The following SAMD5 variants were observed in gnomAD, a reference collection of about 807,000 sequenced individuals.
SAMD5 encodes the protein sterile alpha motif domain containing 5, also known as sterile alpha motif domain-containing protein 5.
A neutral mutation model predicts 11.3 loss-of-function variants in SAMD5; 13 were observed. That is an observed-to-expected ratio of 1.15 (90% CI 0.75 to 1.83). The LOEUF (loss-of-function observed/expected upper bound fraction) is 1.83, where lower values mean the gene tolerates loss of function less well. SAMD5 is among the 40% of genes most tolerant of loss of function. The pLI, the probability that SAMD5 is intolerant of heterozygous loss-of-function variation, is 0.00. For synonymous variants in SAMD5, 129 were observed against 111.3 expected (o/e 1.16, Z -1.00); for missense variants, 255 against 239.1 (o/e 1.07, Z -0.44).
chr6:147,754,709 TC>T, the SAMD5 span, among the ~76,000 whole-genome samples: 1 of 152,170 alleles, frequency 6.6e-6, no homozygotes, highest in African/African-American at 2.4e-5. Context: ...TAGATTTAAG[TC>T]TTTAATCTAT....
chr6:147,717,458 T>C (rs563045738), intron 1 of SAMD5, among the ~76,000 whole-genome samples: 2 of 152,310 alleles, frequency 1.3e-5, no homozygotes, highest in Admixed American at 6.5e-5. Flanking sequence ...ATGGACGGAC[T>C]CTGCCCAAGT....
downstream of SAMD5, among the ~76,000 whole-genome samples, chr6:147,742,463 G>A (rs1791893357): frequency 6.6e-6 from 1 of 152,174 alleles, no homozygotes; most frequent in Non-Finnish European, 1.5e-5. Context: ...TAGGATATAC[G>A]TACCATGCTG....
chr6:147,857,334 T>C, the SAMD5 span, among the ~76,000 whole-genome samples: 3 of 144,556 alleles, frequency 2.1e-5, no homozygotes, highest in Non-Finnish European at 4.5e-5. Context: ...GAGGCCCCTG[T>C]CTGTACCAAA....
At chr6:147,900,847 G>A in the SAMD5 span, among the ~76,000 whole-genome samples, 48 of 152,054 alleles carry the variant, frequency 3.2e-4, no homozygotes, top group Non-Finnish European at 6.0e-4. Flanking sequence ...CTGTCCTTTC[G>A]GTAGTTATTA....
intron 1 of SAMD5, among the ~76,000 whole-genome samples, chr6:147,718,939 C>T (rs1354672316): frequency 6.6e-6 from 1 of 152,218 alleles, no homozygotes; most frequent in African/African-American, 2.4e-5. Flanking sequence ...GATCCGCCTG[C>T]CTCAGCCTCC....
At chr6:147,781,978 T>C in the SAMD5 span, among the ~76,000 whole-genome samples, 4 of 152,050 alleles carry the variant, frequency 2.6e-5, no homozygotes, top group South Asian at 4.1e-4. Flanking sequence ...AGGGACAATA[T>C]GGAGTGGTAG....
chr6:147,595,021 A>C (rs1789508751), intron 1 of SAMD5, among the ~76,000 whole-genome samples: 1 of 152,196 alleles, frequency 6.6e-6, no homozygotes, highest in South Asian at 2.1e-4. Flanking sequence ...ACTTGACTAA[A>C]ACTACAGATG....
chr6:147,787,785 C>T, the SAMD5 span, among the ~76,000 whole-genome samples: 1 of 152,240 alleles, frequency 6.6e-6, no homozygotes, highest in Non-Finnish European at 1.5e-5. Flanking sequence ...GGAAAAGATG[C>T]ATTGGCACTG....
Position 147,569,322 on chromosome 6 carries a change from A to T in SAMD5, c.*4866A>T, listed in dbSNP as rs1314007463. On this transcript the variant is annotated 3_prime_UTR_variant, in exon 2 of 2. Coordinates refer to ENST00000367474, the MANE Select transcript of SAMD5 (RefSeq NM_001030060.3). ...AAAATTGTTTAAACTCCTGGAAATT[A>T]AGTGTTATTTTTTATTACTGCAGTT... 2 of 508,600 alleles carry T rather than the reference A, an allele frequency of 3.9e-6. No homozygotes were observed. The highest frequency in any genetic ancestry group is 5.1e-6 in the Non-Finnish European group (2 of 395,762). The allele number at this position is 508,600 out of a possible 1,614,324, so 31.5% of individuals were successfully genotyped here.
intron 1 of SAMD5, among the ~76,000 whole-genome samples, chr6:147,638,501 G>A (rs906449029): frequency 2.6e-5 from 4 of 152,228 alleles, no homozygotes; most frequent in Admixed American, 6.5e-5. Context: ...AATGGAAGAT[G>A]TGAGTGACTG....
At chr6:147,653,995 C>A (rs998307434) in intron 1 of SAMD5, among the ~76,000 whole-genome samples, 1 of 152,144 alleles carries the variant, frequency 6.6e-6, no homozygotes, top group African/African-American at 2.4e-5. Flanking sequence ...AACAATGACA[C>A]GAATTTAATC....
chr6:147,613,719 AGAG>A (rs1789822820), intron 1 of SAMD5, among the ~76,000 whole-genome samples: 1 of 151,966 alleles, frequency 6.6e-6, no homozygotes, highest in Admixed American at 6.5e-5. Context: ...AAGAAAGGGT[AGAG>A]GAGGAGGAAG....
intron 1 of SAMD5, chr6:147,676,016 G>C (rs770968967): frequency 1.3e-4 from 20 of 152,098 alleles, no homozygotes; most frequent in Admixed American, 2.0e-4. Context: ...TACACTGCAT[G>C]GTGAAAGCGT....
the SAMD5 span, among the ~76,000 whole-genome samples, chr6:147,768,266 G>A: frequency 6.6e-6 from 1 of 152,200 alleles, no homozygotes; most frequent in African/African-American, 2.4e-5. Flanking sequence ...GGGAGGCTGA[G>A]GTGGGCAAAC....
At chr6:147,690,134 CAAT>C (rs201954372) in intron 1 of SAMD5, among the ~76,000 whole-genome samples, 2,802 of 152,116 alleles carry the variant, frequency 0.018, 54 homozygotes, top group South Asian at 0.072. Flanking sequence ...TCACATATAA[CAAT>C]AAGTGAAATG....
chr6:147,896,015 A>G, the SAMD5 span, among the ~76,000 whole-genome samples: 3 of 152,260 alleles, frequency 2.0e-5, no homozygotes, highest in South Asian at 6.2e-4. Flanking sequence ...CACGTGGCAT[A>G]GCTTCCACAA....
intron 1 of SAMD5, among the ~76,000 whole-genome samples, chr6:147,724,501 T>TA (rs1286995100): frequency 6.6e-6 from 1 of 152,148 alleles, no homozygotes; most frequent in South Asian, 2.1e-4. Flanking sequence ...AAAATTCAGA[T>TA]AAAATAACTA....
the SAMD5 span, among the ~76,000 whole-genome samples, chr6:147,747,671 C>T: frequency 6.6e-6 from 1 of 151,928 alleles, no homozygotes; most frequent in Non-Finnish European, 1.5e-5. Context: ...CTACCACGCC[C>T]GGCTAATTTT....
rs138000383 is a variant in SAMD5, at chr6:147,724,923, C to CAAA, written c.163-12387_163-12385dup. ...TGCAGGTAGCTCTGCCTCAAAAAAA[C>CAAA]AAAAAAAAACTAGCTAATGTATGAG... On this transcript the variant is annotated intron_variant, in intron 1 of 1. Transcript: ENST00000566741. Among the ~76,000 whole-genome samples the CAAA allele has an allele frequency of 3.9e-3, 587 of 150,694 alleles. 1 individual carries two copies. The highest frequency in any genetic ancestry group is 0.014 in the African/African-American group (560 of 41,176).
Sources: gnomAD v4.1 joint callset for allele counts (sites outside exome capture counted in the v4.1 genomes callset) on GRCh38, gnomAD v4.1.1 for gene constraint, MANE v1.5 for transcripts, NCBI Gene and HGNC (gene_info 2026-07-23, HGNC 2026-07-21) for gene names.